SPATA22: variants seen among roughly 807,000 people sequenced by gnomAD.
SPATA22 encodes the protein spermatogenesis-associated protein 22.
In SPATA22, 29 loss-of-function variants were observed where a neutral mutation model predicts 47.8. The ratio of observed to expected loss-of-function variants is 0.61; its 90% CI spans 0.45 to 0.83. The LOEUF (loss-of-function observed/expected upper bound fraction) is 0.83. Among genes scored for constraint, SPATA22 ranks in the 40% least tolerant of loss-of-function variants. The pLI, the probability that SPATA22 is intolerant of heterozygous loss-of-function variation, is 0.00. For missense variants in SPATA22, 410 were observed against 421.7 expected, an observed-to-expected ratio of 0.97 and a Z score of 0.24; for synonymous variants, 133 against 140.9, an observed-to-expected ratio of 0.94 and a Z score of 0.40.
In SPATA22 at chr17:3,443,191, A is replaced by G. The variant is rs758543167; in HGVS notation, c.883T>C (p.Cys295Arg). 1 of 1,609,000 alleles carries G rather than the reference A, an allele frequency of 6.2e-7. No homozygotes were observed. Among genetic ancestry groups the G allele is most frequent in the African/African-American group, 1.3e-5 (1 of 74,628 alleles). The change falls in exon 8 of 9, where the codon TGT becomes CGT. Residue 295 changes from cysteine to arginine, a missense_variant. Cys to Arg is a radical substitution (Grantham distance 180). Coordinates refer to ENST00000572969, the MANE Select transcript of SPATA22 (RefSeq NM_001170698.2). Reference sequence around the variant, plus strand: ...ATACTCACGATTTCATAAAAGACACAAGGCAGAGTATTTTTCCCATCCCTC... The same window carrying G: ...ATACTCACGATTTCATAAAAGACACGAGGCAGAGTATTTTTCCCATCCCTC... ...LMRDGKNTLP[C>R]VFYEIDRELP... is the part of the protein sequence containing the mutation.
At chr17:3,496,988 C>T (rs554378965) in intron 1 of SPATA22, among the ~76,000 whole-genome samples, 2 of 152,304 alleles carry the variant, frequency 1.3e-5, no homozygotes, top group East Asian at 3.9e-4. Flanking sequence ...ATTGCTTGAA[C>T]TCGGGAGGTG....
rs2073767770 is a variant in SPATA22, at chr17:3,488,583, G to C, written c.-73-19185C>G. 6.6e-6 allele frequency among the ~76,000 whole-genome samples: 1 copy of C among 152,150 alleles called. No individual in the cohort carries two copies. The highest frequency in any genetic ancestry group is 1.5e-5 in the Non-Finnish European group (1 of 68,022). On this transcript the variant is annotated intron_variant, in intron 1 of 8. Transcript: ENST00000541913. This position sits in a 1 kb window ranked among gnomAD's most constrained non-coding sequence, Gnocchi z 6.1. ...GAGGCAGAAGAATCGCTTGAACCTG[G>C]GAGGCAGAGGTTGCAGTGAGCAGAA...
intron 3 of SPATA22, among the ~76,000 whole-genome samples, chr17:3,464,833 C>G (rs1194071309): frequency 3.6e-5 from 5 of 138,216 alleles, no homozygotes; most frequent in Admixed American, 2.1e-4. Context: ...GCAGCCACCC[C>G]GTCTGGGAAG....
intron 5 of SPATA22, among the ~76,000 whole-genome samples, chr17:3,457,903 C>A (rs749341305): frequency 2.0e-5 from 3 of 152,078 alleles, no homozygotes; most frequent in Non-Finnish European, 4.4e-5. Flanking sequence ...CTCCTTGACA[C>A]TGGTCTTGCA....
chr17:3,480,862 C>G (rs2150746000), intron 1 of SPATA22, among the ~76,000 whole-genome samples: 1 of 152,346 alleles, frequency 6.6e-6, no homozygotes, highest in African/African-American at 2.4e-5. Flanking sequence ...CAGGTTAGAT[C>G]TCTTTCATTG....
At chr17:3,483,438 G>A in intron 1 of SPATA22, 2 of 1,424,468 alleles carry the variant, frequency 1.4e-6, no homozygotes, top group Admixed American at 1.7e-5. Flanking sequence ...TGACTCTGTT[G>A]AAGCAAAGAG....
At chr17:3,460,177 T>C (rs2150719322) in intron 5 of SPATA22, among the ~76,000 whole-genome samples, 1 of 152,296 alleles carries the variant, frequency 6.6e-6, no homozygotes, top group South Asian at 2.1e-4. Flanking sequence ...ATCAGAACTG[T>C]GTGTTTTATC....
intron 7 of SPATA22, among the ~76,000 whole-genome samples, chr17:3,444,027 A>T (rs949731065): frequency 2.6e-5 from 4 of 151,912 alleles, no homozygotes; most frequent in Non-Finnish European, 5.9e-5. Context: ...ACATCTCCCT[A>T]TTCCCTCCTC....
At chr17:3,511,462 T>A (rs1476794459) in intron 1 of SPATA22, 2 of 152,238 alleles carry the variant, frequency 1.3e-5, no homozygotes, top group Non-Finnish European at 2.9e-5. Flanking sequence ...TACACATTCC[T>A]CTCGGAGCAT....
chr17:3,451,205 A>G (rs1166180074), intron 5 of SPATA22, among the ~76,000 whole-genome samples: 1 of 152,210 alleles, frequency 6.6e-6, no homozygotes, highest in Non-Finnish European at 1.5e-5. Flanking sequence ...AGTTGTTTCT[A>G]AAGACAAAGA....
At chr17:3,460,792 CAAAAAAAAA>C (rs71379504) in intron 5 of SPATA22, among the ~76,000 whole-genome samples, 19 of 60,098 alleles carry the variant, frequency 3.2e-4, no homozygotes, top group African/African-American at 1.3e-3. Flanking sequence ...GATCCAGTCT[CAAAAAAAAA>C]AAAAAAAAAA....
In SPATA22 at chr17:3,485,792, G is replaced by A. The variant is rs2150750491; in HGVS notation, c.-73-16394C>T. ...GAAGACACAAGACTCCTAAAACAGA[G>A]ACAAAGAATAGATTATTGACAGTAG... On this transcript the variant is annotated intron_variant, in intron 1 of 8. Coordinates refer to the SPATA22 transcript ENST00000541913. This position sits in a 1 kb window ranked among gnomAD's most constrained non-coding sequence, Gnocchi z 4.4. 6.6e-6 allele frequency among the ~76,000 whole-genome samples: 1 copy of A among 152,292 alleles called. No homozygotes were observed. The highest frequency in any genetic ancestry group is 6.5e-5 in the Admixed American group (1 of 15,304).
At chr17:3,470,348 T>A (rs1368367782) in intron 1 of SPATA22, among the ~76,000 whole-genome samples, 1 of 152,118 alleles carries the variant, frequency 6.6e-6, no homozygotes, top group East Asian at 1.9e-4. Flanking sequence ...GTAACTTCTG[T>A]TCCAAATTCA....
chr17:3,487,073 C>CGTGTGTGTGT (rs59690349), intron 1 of SPATA22, among the ~76,000 whole-genome samples: 6,239 of 150,856 alleles, frequency 0.041, 202 homozygotes, highest in East Asian at 0.11. Flanking sequence ...TGTGTGTGTG[C>CGTGTGTGTGT]GTGTGTGTGT....
chr17:3,513,305 G>C (rs906150262), intron 1 of SPATA22: 1 of 152,548 alleles, frequency 6.6e-6, no homozygotes, highest in Non-Finnish European at 1.5e-5. Context: ...TTGAACCTTG[G>C]GGTGTCAGGG....
intron 1 of SPATA22, among the ~76,000 whole-genome samples, chr17:3,493,039 G>A (rs1431361941): frequency 6.6e-6 from 1 of 152,178 alleles, no homozygotes; most frequent in East Asian, 1.9e-4. Flanking sequence ...GCAAAGGAAG[G>A]CTTTCCTTTG....
At chr17:3,450,363 G>A (rs1453762360) in intron 5 of SPATA22, among the ~76,000 whole-genome samples, 7 of 152,246 alleles carry the variant, frequency 4.6e-5, no homozygotes, top group Admixed American at 6.5e-5. Context: ...ACAAAATAAC[G>A]AGAAAAGAAA....
chr17:3,451,827 G>C (rs1251276939), intron 5 of SPATA22, among the ~76,000 whole-genome samples: 6 of 151,686 alleles, frequency 4.0e-5, no homozygotes, highest in Non-Finnish European at 8.8e-5. Context: ...TGCACCTGTA[G>C]TCCCAGCTAC....
chr17:3,476,012 A>T (rs1597421975), upstream of SPATA22: 1 of 729,098 alleles, frequency 1.4e-6, no homozygotes, highest in South Asian at 1.8e-5. Flanking sequence ...TTGTAACAGA[A>T]AATTAAAATA....
Sources: gnomAD v4.1 joint callset for allele counts (sites outside exome capture counted in the v4.1 genomes callset) on GRCh38, gnomAD v4.1.1 for gene constraint, Gnocchi (gnomAD v3.1) non-coding constraint, MANE v1.5 for transcripts, NCBI Gene and HGNC (gene_info 2026-07-23, HGNC 2026-07-21) for gene names.